FRMD3: variants seen among roughly 807,000 people sequenced by gnomAD.
FRMD3 encodes the protein FERM domain containing 3, also known as FERM domain-containing protein 3.
Under a neutral mutation model 70.2 loss-of-function variants are expected in FRMD3, and 33 were observed. The observed-to-expected ratio is 0.47, with a 90% CI of 0.36 to 0.63. FRMD3 has a LOEUF of 0.63. Ranked by LOEUF, FRMD3 falls within the 20% of genes least tolerant of loss-of-function variation. FRMD3 has a pLI of 0.00. For synonymous variants in FRMD3, 279 were observed against 255.9 expected (o/e 1.09, Z -0.86); for missense variants, 632 against 711.4 (o/e 0.89, Z 1.27).
At chr9:83,557,853 T>G in the FRMD3 span, among the ~76,000 whole-genome samples, 2 of 152,218 alleles carry the variant, frequency 1.3e-5, no homozygotes, top group Non-Finnish European at 2.9e-5. Context: ...ACATGGATTT[T>G]ATCTGAAACC....
upstream of FRMD3, among the ~76,000 whole-genome samples, chr9:83,539,880 G>A (rs1277685241): frequency 1.3e-5 from 2 of 152,192 alleles, no homozygotes; most frequent in Non-Finnish European, 2.9e-5. Flanking sequence ...ATATTTAGAT[G>A]ATAGTATGGG....
At chr9:83,423,585 C>CTTT (rs869226126) in intron 1 of FRMD3, among the ~76,000 whole-genome samples, 2,098 of 60,452 alleles carry the variant, frequency 0.035, 453 homozygotes, top group Admixed American at 0.051. Context: ...AGCCCTGTTT[C>CTTT]TTTTTTTTTT....
rs750121673 is a variant in FRMD3 at position 83,372,865 on chromosome 9, A to C, written c.295+48T>G. On this transcript the variant is annotated intron_variant, in intron 3 of 13. Coordinates refer to ENST00000304195, the MANE Select transcript of FRMD3 (RefSeq NM_174938.6). ...GAAAGTTTGTCAGGGAACAGTATCT[A>C]TCTTTGGACACATTGTAGCAAAAGT... 2.3e-5 allele frequency: 35 copies of C among 1,515,632 alleles called. No individual in the cohort carries two copies. In the African/African-American group the frequency reaches 4.5e-4, roughly 20 times the overall value. The allele number at this position is 1,515,632 out of a possible 1,614,324, so 93.9% of individuals were successfully genotyped here.
At chr9:83,420,579 G>A (rs1431959167) in intron 1 of FRMD3, among the ~76,000 whole-genome samples, 1 of 152,090 alleles carries the variant, frequency 6.6e-6, no homozygotes, top group East Asian at 1.9e-4. Context: ...AGAGAGTGAT[G>A]AAAATTTTTA....
intron 13 of FRMD3, among the ~76,000 whole-genome samples, chr9:83,251,747 C>G (rs1024247086): frequency 3.3e-5 from 5 of 152,098 alleles, no homozygotes; most frequent in African/African-American, 1.2e-4. Context: ...GCAGAATAGA[C>G]CAAGTTGAGC....
intron 10 of FRMD3, among the ~76,000 whole-genome samples, chr9:83,305,664 C>T (rs764008667): frequency 1.1e-4 from 16 of 152,202 alleles, no homozygotes; most frequent in Non-Finnish European, 2.1e-4. Flanking sequence ...TGGGCCAGAA[C>T]AAGTGATACT....
At chr9:83,480,557 G>A (rs143955162) in intron 1 of FRMD3, among the ~76,000 whole-genome samples, 379 of 149,724 alleles carry the variant, frequency 2.5e-3, no homozygotes, top group African/African-American at 8.6e-3. Context: ...GTGCAATGGC[G>A]TGATCTCAGC....
chr9:83,556,911 C>A, the FRMD3 span, among the ~76,000 whole-genome samples: 1 of 151,610 alleles, frequency 6.6e-6, no homozygotes, highest in African/African-American at 2.4e-5. Flanking sequence ...ATATTTTATT[C>A]TTTAATTTTT....
chr9:83,275,802 G>A (rs1833776580), intron 13 of FRMD3: 1 of 152,208 alleles, frequency 6.6e-6, no homozygotes, highest in East Asian at 1.9e-4. Context: ...GTAACATGAA[G>A]GGAAACCTTC....
At chr9:83,374,927 A>G (rs529712032) in intron 2 of FRMD3, among the ~76,000 whole-genome samples, 16 of 152,352 alleles carry the variant, frequency 1.1e-4, no homozygotes, top group African/African-American at 3.4e-4. Flanking sequence ...ACTTACTGCA[A>G]TTGTTTTGCA....
At chr9:83,576,132 C>CA in the FRMD3 span, among the ~76,000 whole-genome samples, 2 of 151,910 alleles carry the variant, frequency 1.3e-5, no homozygotes, top group South Asian at 2.1e-4. Flanking sequence ...CAGTTATAGA[C>CA]AAAAAAATCC....
intron 3 of FRMD3, among the ~76,000 whole-genome samples, chr9:83,354,535 C>T (rs1446715224): frequency 6.6e-6 from 1 of 152,142 alleles, no homozygotes; most frequent in Non-Finnish European, 1.5e-5. Context: ...TGTTGAACAA[C>T]AAACTATTGG....
intron 1 of FRMD3, among the ~76,000 whole-genome samples, chr9:83,455,502 G>T (rs1827793133): frequency 6.6e-6 from 1 of 152,032 alleles, no homozygotes; most frequent in Non-Finnish European, 1.5e-5. Context: ...TTTTTCTCTT[G>T]CCACTGCCAT....
chr9:83,339,519 G>A (rs911923905), intron 5 of FRMD3, among the ~76,000 whole-genome samples: 1 of 152,214 alleles, frequency 6.6e-6, no homozygotes, highest in African/African-American at 2.4e-5. Context: ...AGTAAGGTCA[G>A]AAACAGTAAG....
rs1188090493 is a variant in FRMD3, at chr9:83,244,858, C to T, written c.*3060G>A. ...TATATTCCAAATACATAACATTTTA[C>T]AATATTTTTCAAGCACAGACAAATA... On this transcript the variant is annotated 3_prime_UTR_variant, in exon 14 of 14. Coordinates refer to ENST00000304195, the MANE Select transcript of FRMD3 (RefSeq NM_174938.6). 1 of 984,150 alleles carries T rather than the reference C, an allele frequency of 1.0e-6. No individual in the cohort carries two copies. The highest frequency in any genetic ancestry group is 1.2e-6 in the Non-Finnish European group (1 of 829,204). The allele number at this position is 984,150 out of a possible 1,614,324, so 61.0% of individuals were successfully genotyped here.
chr9:83,391,452 A>C (rs1465438367), intron 1 of FRMD3, among the ~76,000 whole-genome samples: 1 of 152,208 alleles, frequency 6.6e-6, no homozygotes. Context: ...TGAATGGCAA[A>C]GCCCTCTTCA....
chr9:83,363,546 A>G, intron 3 of FRMD3, among the ~76,000 whole-genome samples: 1 of 145,810 alleles, frequency 6.9e-6, no homozygotes, highest in East Asian at 2.0e-4. Context: ...GGACCAAGAG[A>G]CATAGGCTTT....
chr9:83,265,171 C>T (rs189970610), intron 13 of FRMD3, among the ~76,000 whole-genome samples: 3 of 152,092 alleles, frequency 2.0e-5, no homozygotes, highest in South Asian at 2.1e-4. Context: ...GAGGCCAAGA[C>T]GGGCGGATCA....
chr9:83,478,534 T>C (rs1828453683), intron 1 of FRMD3, among the ~76,000 whole-genome samples: 1 of 152,060 alleles, frequency 6.6e-6, no homozygotes, highest in Non-Finnish European at 1.5e-5. Flanking sequence ...TGTGGAGAAA[T>C]TGTGTATTGC....
Sources: allele counts gnomAD v4.1 joint callset (sites outside exome capture counted in the v4.1 genomes callset), GRCh38; gene constraint gnomAD v4.1.1; transcripts MANE v1.5; gene names NCBI Gene and HGNC (gene_info 2026-07-23, HGNC 2026-07-21).